C8orf34: variants seen among roughly 807,000 people sequenced by gnomAD.
C8orf34 encodes the protein uncharacterized protein C8orf34.
In C8orf34, 65 loss-of-function variants were observed where a neutral mutation model predicts 68.3. That is an observed-to-expected ratio of 0.95 (90% CI 0.78 to 1.17). The LOEUF (loss-of-function observed/expected upper bound fraction) is 1.17. Among genes scored for constraint, C8orf34 ranks in the 50% most tolerant of loss-of-function variants. The pLI is 0.00. For missense variants in C8orf34, 664 were observed against 655.4 expected, an observed-to-expected ratio of 1.01 and a Z score of -0.14; for synonymous variants, 244 against 241.2, an observed-to-expected ratio of 1.01 and a Z score of -0.11.
At chr8:68,559,954 G>T (rs1378216054) in intron 7 of C8orf34, among the ~76,000 whole-genome samples, 1 of 152,304 alleles carries the variant, frequency 6.6e-6, no homozygotes, top group South Asian at 2.1e-4. Context: ...TTGGGTTTCA[G>T]ATGGGGACAA....
At chr8:68,796,345 C>T (rs1274861069) in intron 12 of C8orf34, among the ~76,000 whole-genome samples, 3 of 152,138 alleles carry the variant, frequency 2.0e-5, no homozygotes, top group South Asian at 4.1e-4. Flanking sequence ...TCCTATACCA[C>T]CTTTCTGCAA....
At chr8:68,526,691 A>AAAAG (rs71253092) in intron 6 of C8orf34, among the ~76,000 whole-genome samples, 2,493 of 151,908 alleles carry the variant, frequency 0.016, 64 homozygotes, top group South Asian at 0.036. Flanking sequence ...GGAGTCAAAA[A>AAAAG]AAAAAAAAAG....
chr8:68,640,560 A>C, intron 8 of C8orf34, 49 bp downstream of exon 8: 1 of 1,539,280 alleles, frequency 6.5e-7, no homozygotes. Context: ...CTTGATTTTT[A>C]AAATCTAAGA....
At chr8:68,450,879 A>G (rs989122362) in intron 3 of C8orf34, among the ~76,000 whole-genome samples, 1 of 152,118 alleles carries the variant, frequency 6.6e-6, no homozygotes, top group African/African-American at 2.4e-5. Context: ...CCCTGATAAG[A>G]GAGTCAGCCT....
chr8:68,577,708 T>C (rs558412079), intron 7 of C8orf34, among the ~76,000 whole-genome samples: 10 of 151,972 alleles, frequency 6.6e-5, no homozygotes, highest in African/African-American at 2.4e-4. Context: ...ATGAGTAACA[T>C]ATAAGTAAAC....
intron 4 of C8orf34, among the ~76,000 whole-genome samples, chr8:68,478,523 T>C (rs1023748262): frequency 1.3e-5 from 2 of 152,242 alleles, no homozygotes; most frequent in Non-Finnish European, 2.9e-5. Context: ...CAAGTATCTT[T>C]ATAGCAGTGC....
chr8:68,386,222 T>C (rs1296598477), intron 1 of C8orf34, among the ~76,000 whole-genome samples: 2 of 152,150 alleles, frequency 1.3e-5, no homozygotes, highest in Non-Finnish European at 2.9e-5. Context: ...TATTTTGAAA[T>C]ACATTAAAAC....
At chr8:68,431,508 G>A (rs1464072425) in intron 1 of C8orf34, among the ~76,000 whole-genome samples, 4 of 152,110 alleles carry the variant, frequency 2.6e-5, no homozygotes, top group African/African-American at 9.7e-5. Flanking sequence ...CACTAAATCA[G>A]TTGCTTCCAT....
At chr8:68,424,935 A>G (rs1439361067) in intron 1 of C8orf34, among the ~76,000 whole-genome samples, 1 of 152,090 alleles carries the variant, frequency 6.6e-6, no homozygotes, top group Non-Finnish European at 1.5e-5. Flanking sequence ...ATCATACACC[A>G]TGATTGAGTG....
chr8:68,767,824 T>C (rs1424162114), intron 10 of C8orf34, among the ~76,000 whole-genome samples: 1 of 152,230 alleles, frequency 6.6e-6, no homozygotes, highest in Non-Finnish European at 1.5e-5. Flanking sequence ...ATTTAATATC[T>C]GATTGTTTCT....
chr8:68,709,220 C>T (rs1821263653), intron 9 of C8orf34, 141 bp downstream of exon 9: 3 of 655,018 alleles, frequency 4.6e-6, no homozygotes, highest in Non-Finnish European at 8.1e-6. Context: ...CGCTGGCACA[C>T]TCCTTGGGGC....
chr8:68,742,884 T>C (rs1256873882), intron 10 of C8orf34, among the ~76,000 whole-genome samples: 1 of 152,218 alleles, frequency 6.6e-6, no homozygotes, highest in Non-Finnish European at 1.5e-5. Context: ...CACTTTTTCT[T>C]CCTGAAGTTC....
chr8:68,566,825 A>C (rs1816604567), intron 7 of C8orf34, among the ~76,000 whole-genome samples: 1 of 152,166 alleles, frequency 6.6e-6, no homozygotes, highest in Non-Finnish European at 1.5e-5. Context: ...CTTTGCCAAG[A>C]GTTTTCATCA....
chr8:68,589,371 G>A (rs1449669375), intron 7 of C8orf34, among the ~76,000 whole-genome samples: 3 of 151,332 alleles, frequency 2.0e-5, no homozygotes, highest in African/African-American at 4.9e-5. Flanking sequence ...AAGAAAGAAC[G>A]GGAGAAAAAG....
At chr8:68,542,195 T>A (rs1586349211) in intron 7 of C8orf34, among the ~76,000 whole-genome samples, 1 of 152,274 alleles carries the variant, frequency 6.6e-6, no homozygotes, top group South Asian at 2.1e-4. Context: ...AATTCCAACT[T>A]ACAGTGGGAA....
intron 7 of C8orf34, among the ~76,000 whole-genome samples, chr8:68,543,682 G>A (rs1036535938): frequency 2.0e-5 from 3 of 152,174 alleles, no homozygotes; most frequent in South Asian, 4.2e-4. Flanking sequence ...TATGCAACAC[G>A]TAAACATTAA....
At chr8:68,638,623 A>ACG (rs1235324529) in intron 7 of C8orf34, among the ~76,000 whole-genome samples, 1 of 152,024 alleles carries the variant, frequency 6.6e-6, no homozygotes, top group African/African-American at 2.4e-5. Flanking sequence ...TTTTCAGAGC[A>ACG]CGCCAAAGTC....
At chr8:68,818,030 T>A (rs1277399247) in intron 13 of C8orf34, among the ~76,000 whole-genome samples, 1 of 152,162 alleles carries the variant, frequency 6.6e-6, no homozygotes, top group South Asian at 2.1e-4. Flanking sequence ...CATATCACCA[T>A]CTAATGTGAT....
rs147379753 is a variant in C8orf34, at chr8:68,737,541, G to A, written c.1404+16104G>A. Among the ~76,000 whole-genome samples the A allele has an allele frequency of 7.9e-5, 12 of 151,966 alleles. No homozygotes were observed. In the East Asian group the frequency reaches 2.3e-3, roughly 29 times the overall value. ...TGAAGAGACCCATCTCATATGCAATGCCACCCATACACTCAAAATAAAGGC... is the reference window on the plus strand; with the variant it reads ...TGAAGAGACCCATCTCATATGCAATACCACCCATACACTCAAAATAAAGGC... On this transcript the variant is annotated intron_variant, in intron 10 of 13. Coordinates refer to ENST00000518698, the MANE Select transcript of C8orf34 (RefSeq NM_052958.4).
Sources: gnomAD v4.1 joint callset for allele counts (sites outside exome capture counted in the v4.1 genomes callset) on GRCh38, gnomAD v4.1.1 for gene constraint, MANE v1.5 for transcripts, NCBI Gene and HGNC (gene_info 2026-07-23, HGNC 2026-07-21) for gene names.